Variants in NUP205 observed in about 807,000 individuals in gnomAD.
NUP205 encodes nucleoporin 205, also known as nuclear pore complex protein Nup205.
NUP205 carries 76 observed loss-of-function variants against 253.8 expected under a neutral mutation model. The observed-to-expected ratio is 0.30, with a 90% CI of 0.25 to 0.36. NUP205 has a LOEUF of 0.36. NUP205 is among the 10% of genes least tolerant of loss of function. The probability of loss-of-function intolerance (pLI) is 1.00; values close to 1 mark genes in which losing one functional copy is unlikely to be tolerated. For synonymous variants in NUP205, 832 were observed against 850.1 expected, an observed-to-expected ratio of 0.98 and a Z score of 0.37; for missense variants, 2,162 against 2,425.5, an observed-to-expected ratio of 0.89 and a Z score of 2.28.
intron 36 of NUP205, 31 bp from the exon 37 acceptor site, chr7:135,637,900 T>C (rs1794840705): frequency 1.3e-6 from 2 of 1,579,624 alleles, no homozygotes; most frequent in Non-Finnish European, 1.7e-6. Flanking sequence ...TAATTTTAAA[T>C]ACATTTAACA....
At chr7:135,644,363 G>T (rs1298205330) in intron 39 of NUP205, among the ~76,000 whole-genome samples, 1 of 152,176 alleles carries the variant, frequency 6.6e-6, no homozygotes, top group Admixed American at 6.5e-5. Context: ...GAAGCGCGTG[G>T]CCTTCCATCA....
chr7:135,600,844 A>G, intron 15 of NUP205, 26 bp from the exon 16 acceptor site: 1 of 1,411,156 alleles, frequency 7.1e-7, no homozygotes, highest in East Asian at 2.3e-5. Flanking sequence ...TTTTATTGTT[A>G]TTGACCTATT....
intron 1 of NUP205, among the ~76,000 whole-genome samples, chr7:135,558,856 C>T (rs1805504659): frequency 6.6e-6 from 1 of 152,134 alleles, no homozygotes; most frequent in Non-Finnish European, 1.5e-5. Context: ...GTGGTAAATG[C>T]TTGTGAGAAT....
chr7:135,606,135 G>A lies in NUP205; in HGVS notation c.2824-10G>A, dbSNP rs370441308. The A allele has an allele frequency of 7.0e-6, 11 of 1,581,640 alleles. 1 individual carries two copies. In the African/African-American group the frequency reaches 1.3e-4, roughly 19 times the overall value. On this transcript the variant is annotated splice_polypyrimidine_tract_variant and intron_variant, in intron 19 of 42. Transcript: ENST00000285968. The stretch of plus-strand genomic sequence containing the variant: ...ATAATTTGTCATTTTTTACCTTCAT[G>A]TTACTTCAGAGTATAAGTCAGAAAC...
At position 135,578,931 on chromosome 7, in the gene NUP205, G is replaced by A. The variant is rs781476901; in HGVS notation, c.1042+16G>A. On this transcript the variant is annotated intron_variant, in intron 7 of 42. Coordinates refer to ENST00000285968, the MANE Select transcript of NUP205 (RefSeq NM_015135.3). ...GATGTGACAGGTGAATTGATTGTAG[G>A]TAATTTTGTTATGAGAAACAGCATG... 3 of 1,565,920 alleles carry A rather than the reference G, an allele frequency of 1.9e-6. No homozygotes were observed. In the East Asian group the frequency reaches 6.8e-5, roughly 36 times the overall value.
intron 6 of NUP205, 67 bp downstream of exon 6, chr7:135,578,091 A>G: frequency 8.6e-7 from 1 of 1,167,514 alleles, no homozygotes; most frequent in South Asian, 1.3e-5. Flanking sequence ...ATAACATTTA[A>G]AAAGGGTGAT....
chr7:135,642,119 G>T (rs984938663), intron 38 of NUP205, among the ~76,000 whole-genome samples: 1 of 152,010 alleles, frequency 6.6e-6, no homozygotes, highest in African/African-American at 2.4e-5. Context: ...ACTGGGTGTG[G>T]TGGCATGCGC....
intron 14 of NUP205, chr7:135,597,754 A>G (rs1271417234): frequency 1.5e-5 from 7 of 478,746 alleles, no homozygotes; most frequent in South Asian, 7.9e-5. Flanking sequence ...TTTAAAAGAA[A>G]CATTAAAGAT....
In NUP205 at chr7:135,561,094, C is replaced by G. The variant is rs150473902; in HGVS notation, c.28+3122C>G. ...GTGTGGTGGCTTATGCCTGTAATCC[C>G]AGCACTTTGGGAGGCTGAAGTGGGC... On this transcript the variant is annotated intron_variant, in intron 1 of 42. Coordinates refer to ENST00000285968, the MANE Select transcript of NUP205 (RefSeq NM_015135.3). 4.6e-5 allele frequency among the ~76,000 whole-genome samples: 7 copies of G among 152,238 alleles called. No homozygotes were observed. The East Asian group carries it at 1.2e-3, about 25-fold the overall frequency.
At chr7:135,643,094 T>C (rs776036858) in intron 38 of NUP205, 98 bp from the exon 39 acceptor site, 41 of 1,186,386 alleles carry the variant, frequency 3.5e-5, no homozygotes, top group Non-Finnish European at 4.9e-5. Flanking sequence ...TTACATGTCC[T>C]TAAATTCTGG....
intron 36 of NUP205, 37 bp downstream of exon 36, chr7:135,635,694 G>T (rs1794797185): frequency 1.6e-6 from 2 of 1,261,010 alleles, no homozygotes; most frequent in Non-Finnish European, 2.3e-6. Flanking sequence ...GCAGTTATAA[G>T]ACATGTTACA....
At position 135,597,455 on chromosome 7, in the gene NUP205, C is replaced by G. The variant is rs750440981; in HGVS notation, c.2064+37C>G. 2.4e-6 allele frequency: 3 copies of G among 1,244,608 alleles called. No homozygotes were observed. In the Admixed American group the frequency reaches 5.0e-5, roughly 21 times the overall value. The allele number at this position is 1,244,608 out of a possible 1,614,324, so 77.1% of individuals were successfully genotyped here. A position where few individuals can be genotyped will look rare whatever the true frequency, so the allele number is the denominator to read the frequency against. On this transcript the variant is annotated intron_variant, in intron 14 of 42. Coordinates refer to ENST00000285968, the MANE Select transcript of NUP205 (RefSeq NM_015135.3). ...CTTTTAGTTTAAATGTTAATTCATTCATGCATGTAATGATAAGAAGTCTAT... is the reference window on the plus strand; with the variant it reads ...CTTTTAGTTTAAATGTTAATTCATTGATGCATGTAATGATAAGAAGTCTAT...
chr7:135,629,250 T>G (rs1364364500), intron 34 of NUP205, among the ~76,000 whole-genome samples: 2 of 152,228 alleles, frequency 1.3e-5, no homozygotes, highest in East Asian at 3.8e-4. Flanking sequence ...GTGAAAATAC[T>G]GAAAGAGGAC....
chr7:135,630,227 T>C lies in NUP205; in HGVS notation c.4933-117T>C. On this transcript the variant is annotated intron_variant, in intron 34 of 42. Coordinates refer to ENST00000285968, the MANE Select transcript of NUP205 (RefSeq NM_015135.3). ...GGCTGAGTATTGTATTACTGAGTATTATGGTAAAGTTGAAGGTTACTTCCT... is the reference window on the plus strand; with the variant it reads ...GGCTGAGTATTGTATTACTGAGTATCATGGTAAAGTTGAAGGTTACTTCCT... 6.2e-6 allele frequency: 4 copies of C among 641,952 alleles called. No individual in the cohort carries two copies. The South Asian group carries it at 9.8e-5, about 16-fold the overall frequency. 39.8% of individuals were successfully genotyped at this position (641,952 alleles called of 1,614,324 possible). A position where few individuals can be genotyped will look rare whatever the true frequency, so the allele number is the denominator to read the frequency against.
At chr7:135,610,243 A>G (rs995509283) in intron 22 of NUP205, among the ~76,000 whole-genome samples, 89 of 152,114 alleles carry the variant, frequency 5.9e-4, no homozygotes, top group African/African-American at 2.0e-3. Context: ...GTTTTTTGAG[A>G]TGGAGTCTCA....
rs913163600 is a variant in NUP205 at position 135,635,371 on chromosome 7, G to T, written c.5060-210G>T. Reference sequence around the variant, plus strand: ...TAAGATCATTTCACTCTGCATTTTAGATTGGCTTTGAATGCGCATGTACCG... The same window carrying T: ...TAAGATCATTTCACTCTGCATTTTATATTGGCTTTGAATGCGCATGTACCG... On this transcript the variant is annotated intron_variant, in intron 35 of 42. Coordinates refer to ENST00000285968, the MANE Select transcript of NUP205 (RefSeq NM_015135.3). 8.6e-6 allele frequency: 3 copies of T among 348,700 alleles called. No homozygotes were observed. In the Admixed American group the frequency reaches 1.4e-4, roughly 16 times the overall value. The allele number at this position is 348,700 out of a possible 1,614,324, so 21.6% of individuals were successfully genotyped here. A position where few individuals can be genotyped will look rare whatever the true frequency, so the allele number is the denominator to read the frequency against.
intron 24 of NUP205, among the ~76,000 whole-genome samples, 194 bp from the exon 25 acceptor site, chr7:135,616,461 G>T (rs1794360911): frequency 6.6e-6 from 1 of 152,114 alleles, no homozygotes; most frequent in South Asian, 2.1e-4. Context: ...ATTCCATAGG[G>T]ACAGAAATAA....
chr7:135,572,376 C>T (rs961258958), intron 2 of NUP205, among the ~76,000 whole-genome samples: 1 of 151,716 alleles, frequency 6.6e-6, no homozygotes, highest in East Asian at 1.9e-4. Flanking sequence ...TCCAGATGTA[C>T]GTTAAAATTT....
At chr7:135,615,617 A>G (rs1273415448) in intron 23 of NUP205, among the ~76,000 whole-genome samples, 1 of 152,208 alleles carries the variant, frequency 6.6e-6, no homozygotes, top group Non-Finnish European at 1.5e-5. Context: ...TATCAGTGTC[A>G]AAATACGATA....
Sources: gnomAD v4.1 joint callset for allele counts (sites outside exome capture counted in the v4.1 genomes callset) on GRCh38, gnomAD v4.1.1 for gene constraint, MANE v1.5 for transcripts, NCBI Gene and HGNC (gene_info 2026-07-23, HGNC 2026-07-21) for gene names.